The following GABBR2 variants were observed in gnomAD, a reference collection of about 807,000 sequenced individuals.
GABBR2 encodes gamma-aminobutyric acid type B receptor subunit 2, also known as G-protein coupled receptor 51.
In GABBR2, 23 loss-of-function variants were observed where a neutral mutation model predicts 105.6. The ratio of observed to expected loss-of-function variants is 0.22; its 90% confidence interval spans 0.16 to 0.31. The LOEUF is 0.31. GABBR2 is among the 10% of genes least tolerant of loss of function. GABBR2 has a pLI of 1.00. For missense variants in GABBR2, 734 were observed against 1,245.5 expected (o/e 0.59, Z 6.18); for synonymous variants, 478 against 499.7 (o/e 0.96, Z 0.58).
intron 7 of GABBR2, among the ~76,000 whole-genome samples, chr9:98,443,125 G>A (rs1351263582): frequency 6.6e-6 from 1 of 152,118 alleles, no homozygotes; most frequent in Admixed American, 6.5e-5. Flanking sequence ...CATATAGTAG[G>A]CATTCAAAAC....
At chr9:98,614,429 G>A (rs1255703976) in intron 1 of GABBR2, among the ~76,000 whole-genome samples, 1 of 152,152 alleles carries the variant, frequency 6.6e-6, no homozygotes, top group East Asian at 1.9e-4. Flanking sequence ...GGAAGCTGAG[G>A]CAGGAGAATT....
chr9:98,569,946 G>A (rs1051881140), intron 2 of GABBR2, among the ~76,000 whole-genome samples: 9 of 152,224 alleles, frequency 5.9e-5, no homozygotes, highest in East Asian at 1.9e-4. Flanking sequence ...TTGACTGACC[G>A]TTTAGAATGA....
chr9:98,680,761 G>A lies in GABBR2; in HGVS notation c.321+27656C>T, dbSNP rs77831009. On this transcript the variant is annotated intron_variant, in intron 1 of 18. Coordinates refer to ENST00000259455, the MANE Select transcript of GABBR2 (RefSeq NM_005458.8). ...TATTAAAGTATAATATAAACGTAAG[G>A]TGACTTAAATACCGGGACACTGACC... 5.1e-4 allele frequency among the ~76,000 whole-genome samples: 78 copies of A among 152,290 alleles called. 1 individual carries two copies. The East Asian group carries it at 0.015, about 29-fold the overall frequency.
intron 1 of GABBR2, among the ~76,000 whole-genome samples, chr9:98,655,189 G>A (rs772297740): frequency 1.3e-4 from 20 of 152,160 alleles, no homozygotes; most frequent in Non-Finnish European, 2.5e-4. Context: ...CCCACAGAAT[G>A]TACATCAAGA....
At chr9:98,456,580 A>C (rs968674727) in intron 6 of GABBR2, among the ~76,000 whole-genome samples, 1 of 152,180 alleles carries the variant, frequency 6.6e-6, no homozygotes, top group Non-Finnish European at 1.5e-5. Context: ...AATCTCAAAC[A>C]ATACCTGCTT....
chr9:98,353,701 G>A (rs1180804246), intron 13 of GABBR2, among the ~76,000 whole-genome samples: 1 of 152,102 alleles, frequency 6.6e-6, no homozygotes, highest in African/African-American at 2.4e-5. Context: ...GGGTAATCAG[G>A]TGATATGGTT....
At chr9:98,398,670 T>C (rs992703532) in intron 8 of GABBR2, among the ~76,000 whole-genome samples, 2 of 152,120 alleles carry the variant, frequency 1.3e-5, no homozygotes, top group African/African-American at 4.8e-5. Flanking sequence ...AACTCTGCTC[T>C]TCCCCAGGAT....
chr9:98,489,369 G>A (rs1827127284), intron 4 of GABBR2, among the ~76,000 whole-genome samples: 2 of 152,212 alleles, frequency 1.3e-5, no homozygotes, highest in South Asian at 4.1e-4. Flanking sequence ...TGCTGGCACA[G>A]CGCTGACGCA....
Position 98,388,967 on chromosome 9 carries a change from C to G in GABBR2, c.1416G>C (p.Glu472Asp). 6.2e-7 allele frequency: 1 copy of G among 1,613,678 alleles called. No homozygotes were observed. The highest frequency in any genetic ancestry group is 1.1e-5 in the South Asian group (1 of 90,956). Residue 472 changes from glutamate to aspartate, a missense_variant, in exon 10 of 19, where the codon GAG (glutamate) becomes GAC (aspartate). Coordinates refer to ENST00000259455, the MANE Select transcript of GABBR2 (RefSeq NM_005458.8). The surrounding 1 kb of genome is among the most constrained non-coding windows in gnomAD (Gnocchi z 4.4). ...GAGGTAGGGAGATCTTCCGCAGCTG[C>G]TCCAGGATGATGGTCTTGTCTTTTG... ...EPPKDKTIILEQLRKISLPLY... is the reference protein window; with the variant it reads ...EPPKDKTIILDQLRKISLPLY...
At chr9:98,583,867 G>T (rs1829034802) in intron 1 of GABBR2, among the ~76,000 whole-genome samples, 1 of 152,134 alleles carries the variant, frequency 6.6e-6, no homozygotes, top group South Asian at 2.1e-4. Flanking sequence ...CCCCCTAAAG[G>T]GCTGTTGATT....
chr9:98,489,698 C>T (rs946011377), intron 4 of GABBR2, among the ~76,000 whole-genome samples: 3 of 152,054 alleles, frequency 2.0e-5, no homozygotes, highest in African/African-American at 7.2e-5. Flanking sequence ...CAACAGTCTG[C>T]CTACGGCGAC....
chr9:98,642,117 T>C (rs1829972395), intron 1 of GABBR2, among the ~76,000 whole-genome samples: 1 of 152,198 alleles, frequency 6.6e-6, no homozygotes, highest in African/African-American at 2.4e-5. Context: ...TTTATGACAT[T>C]TCCAGACTCT....
chr9:98,563,728 C>T (rs1313427158), intron 2 of GABBR2, among the ~76,000 whole-genome samples: 3 of 152,136 alleles, frequency 2.0e-5, no homozygotes, highest in Non-Finnish European at 4.4e-5. Context: ...ATGTCTAGAT[C>T]GTTATCTAAC....
chr9:98,319,281 C>G (rs1270637241), intron 13 of GABBR2, among the ~76,000 whole-genome samples: 1 of 152,190 alleles, frequency 6.6e-6, no homozygotes, highest in African/African-American at 2.4e-5. Context: ...TTATCCCCCA[C>G]TGCAGACAGC....
At chr9:98,590,984 C>A (rs767574293) in intron 1 of GABBR2, among the ~76,000 whole-genome samples, 1 of 152,074 alleles carries the variant, frequency 6.6e-6, no homozygotes, top group South Asian at 2.1e-4. Context: ...ATGCTGAAGA[C>A]GCATAAAAAG....
intron 8 of GABBR2, among the ~76,000 whole-genome samples, chr9:98,400,119 G>C (rs1156628032): frequency 1.3e-5 from 2 of 150,796 alleles, no homozygotes; most frequent in African/African-American, 4.9e-5. Flanking sequence ...GGGAGTTCAA[G>C]GCTGCAATGA....
Position 98,473,134 on chromosome 9 carries a change from C to A in GABBR2, c.999+12G>T. 1 of 1,606,066 alleles carries A rather than the reference C, an allele frequency of 6.2e-7. No individual in the cohort carries two copies. The highest frequency in any genetic ancestry group is 8.5e-7 in the Non-Finnish European group (1 of 1,173,414). On this transcript the variant is annotated intron_variant, in intron 6 of 18. Coordinates refer to ENST00000259455, the MANE Select transcript of GABBR2 (RefSeq NM_005458.8). ...TGGGCCAGAAGGTTGAAATGGGGAC[C>A]AAGGCACTGACCTTTCCTGAGATGG...
chr9:98,457,932 G>A lies in GABBR2; in HGVS notation c.1000-3715C>T, dbSNP rs538851606. Among the ~76,000 whole-genome samples the A allele has an allele frequency of 5.9e-5, 9 of 152,300 alleles. No individual in the cohort carries two copies. The South Asian group carries it at 8.3e-4, about 14-fold the overall frequency. Reference sequence around the variant, plus strand: ...GAATGCTGATTAATTACCATCCTCCGAGGTCAAGTTTATCGTGAGATGCTA... The same window carrying A: ...GAATGCTGATTAATTACCATCCTCCAAGGTCAAGTTTATCGTGAGATGCTA... On this transcript the variant is annotated intron_variant, in intron 6 of 18. Transcript: ENST00000259455.
chr9:98,337,914 CG>C (rs1476138528), intron 13 of GABBR2, among the ~76,000 whole-genome samples: 1 of 151,984 alleles, frequency 6.6e-6, no homozygotes, highest in African/African-American at 2.4e-5. Flanking sequence ...CCCAGTTACT[CG>C]GGAGGCTGAG....
Sources: gnomAD v4.1 joint callset for allele counts (sites outside exome capture counted in the v4.1 genomes callset) on GRCh38, gnomAD v4.1.1 for gene constraint, Gnocchi (gnomAD v3.1) non-coding constraint, MANE v1.5 for transcripts, NCBI Gene and HGNC (gene_info 2026-07-23, HGNC 2026-07-21) for gene names.